Variants in DOCK11 observed in about 807,000 individuals in gnomAD.
DOCK11 encodes dedicator of cytokinesis 11, also known as dedicator of cytokinesis protein 11.
Under a neutral mutation model 169.1 loss-of-function variants are expected in DOCK11, and 70 were observed. The ratio of observed to expected loss-of-function variants is 0.41; its 90% CI spans 0.34 to 0.51. The LOEUF (loss-of-function observed/expected upper bound fraction) is 0.51, where lower values mean the gene tolerates loss of function less well. Among genes scored for constraint, DOCK11 ranks in the 20% least tolerant of loss-of-function variants. DOCK11 has a pLI of 0.10. For missense variants in DOCK11, 1,166 were observed against 1,538.8 expected, an observed-to-expected ratio of 0.76 and a Z score of 4.05; for synonymous variants, 529 against 541.3, an observed-to-expected ratio of 0.98 and a Z score of 0.32.
intron 6 of DOCK11, among the ~76,000 whole-genome samples, chrX:118,550,840 G>C (rs754960617): frequency 5.3e-5 from 6 of 112,381 alleles, no homozygotes; most frequent in African/African-American, 1.9e-4. Context: ...CTGAGACAAA[G>C]GGTTGACAGA....
rs769506180 is a variant in DOCK11, at chrX:118,683,142, A to G, written c.6027A>G (p.Gln2009=). ...ATGAGCGGCTAATTAAAGAAGATCA[A>G]GTTGAGTACCATGAAGGGCTAAAGT... ...ELNERLIKED[Q]VEYHEGLKSN... is the part of the protein sequence containing the mutation. Residue 2009 remains glutamine, a synonymous_variant, in exon 52 of 53, where the codon CAA becomes CAG. Transcript: ENST00000276202. The G allele has an allele frequency of 1.5e-5, 18 of 1,208,729 alleles. No individual in the cohort carries two copies. The highest frequency in any genetic ancestry group is 1.9e-5 in the Non-Finnish European group (17 of 894,147).
intron 1 of DOCK11, among the ~76,000 whole-genome samples, chrX:118,534,046 T>G (rs1377345738): frequency 1.8e-5 from 2 of 112,421 alleles, no homozygotes; most frequent in Non-Finnish European, 3.8e-5. Context: ...AAATTCTAAT[T>G]TTAAAAAGGC....
Position 118,495,894 on chromosome X carries a change from C to A in DOCK11, c.-78C>A. The A allele has an allele frequency of 1.7e-6, 1 of 595,181 alleles. No homozygotes were observed. Among genetic ancestry groups the A allele is most frequent in the Non-Finnish European group, 2.1e-6 (1 of 468,048 alleles). 49.0% of individuals were successfully genotyped at this position (595,181 alleles called of 1,213,427 possible). ...ACAGAGGGAGCAGCAGCGGCCGCGG[C>A]CGCCGCGGGCCGGGGCAGTGAGTCC... On this transcript the variant is annotated 5_prime_UTR_variant, in exon 1 of 53. Transcript: ENST00000276202.
At chrX:118,531,864 G>T (rs893196620) in intron 1 of DOCK11, among the ~76,000 whole-genome samples, 2 of 110,870 alleles carry the variant, frequency 1.8e-5, no homozygotes, top group Non-Finnish European at 3.8e-5. Flanking sequence ...CAGCTGAAGT[G>T]TATATTTTCA....
At position 118,597,476 on chromosome X, in the gene DOCK11, C is replaced by T; in HGVS notation, c.2309C>T (p.Thr770Ile). The change falls in exon 21 of 53, where the codon ACA becomes ATA. Residue 770 changes from threonine (T) to isoleucine (I), a missense_variant. Coordinates refer to ENST00000276202, the MANE Select transcript of DOCK11 (RefSeq NM_144658.4). Reference protein sequence around the residue: ...VPLLKDGRIITFEQQLPVSAN... With the variant: ...VPLLKDGRIIIFEQQLPVSAN... ...TTGCTGAAAGATGGTAGAATCATCACATTTGAGCAGCAGCTGCCAGTTTCC... is the reference window on the plus strand; with the variant it reads ...TTGCTGAAAGATGGTAGAATCATCATATTTGAGCAGCAGCTGCCAGTTTCC... 1 of 1,211,611 alleles carries T rather than the reference C, an allele frequency of 8.3e-7. No individual in the cohort carries two copies. Among genetic ancestry groups the T allele is most frequent in the Non-Finnish European group, 1.1e-6 (1 of 895,313 alleles).
intron 1 of DOCK11, among the ~76,000 whole-genome samples, chrX:118,530,909 A>G (rs768006304): frequency 8.9e-6 from 1 of 112,162 alleles, no homozygotes; most frequent in South Asian, 3.7e-4. Flanking sequence ...TATAGAACTA[A>G]GTTCTATGTT....
At chrX:118,592,869 G>A (rs1231806427) in intron 19 of DOCK11, among the ~76,000 whole-genome samples, 1 of 112,602 alleles carries the variant, frequency 8.9e-6, no homozygotes, top group East Asian at 2.8e-4. Flanking sequence ...CATTTTAAAT[G>A]GGTTGCATTC....
intron 40 of DOCK11, among the ~76,000 whole-genome samples, chrX:118,644,552 A>G (rs1344646668): frequency 8.9e-6 from 1 of 112,192 alleles, no homozygotes; most frequent in African/African-American, 3.2e-5. Context: ...TAGTCCCTAA[A>G]GGCTTATTGT....
At chrX:118,627,335 C>CT (rs375123707) in intron 32 of DOCK11, among the ~76,000 whole-genome samples, 169 bp from the exon 33 acceptor site, 73 of 105,744 alleles carry the variant, frequency 6.9e-4, no homozygotes, top group Middle Eastern at 4.8e-3. Context: ...ATGCTAGTAG[C>CT]TTTTTTTTTT....
intron 44 of DOCK11, among the ~76,000 whole-genome samples, chrX:118,657,502 C>G (rs1487081070): frequency 9.0e-6 from 1 of 111,373 alleles, no homozygotes; most frequent in African/African-American, 3.3e-5. Context: ...TTGCTGATGC[C>G]ATCTATTTTT....
At chrX:118,681,900 C>T (rs1387379749) in intron 51 of DOCK11, 106 bp downstream of exon 51, 2 of 553,943 alleles carry the variant, frequency 3.6e-6, no homozygotes, top group Non-Finnish European at 5.5e-6. Flanking sequence ...CAAAAAGGGA[C>T]ATTCTCTGTG....
intron 6 of DOCK11, among the ~76,000 whole-genome samples, chrX:118,555,034 T>C (rs1229519202): frequency 9.0e-6 from 1 of 111,660 alleles, no homozygotes; most frequent in Non-Finnish European, 1.9e-5. Context: ...GTGTGCCTTA[T>C]GTGAGTAATT....
intron 1 of DOCK11, among the ~76,000 whole-genome samples, chrX:118,508,251 A>G (rs1170679039): frequency 8.9e-6 from 1 of 111,923 alleles, no homozygotes; most frequent in Non-Finnish European, 1.9e-5. Flanking sequence ...GGTACCTGGG[A>G]TCATTTTCAT....
At chrX:118,561,284 C>A in intron 6 of DOCK11, 99 bp from the exon 7 acceptor site, 2 of 842,396 alleles carry the variant, frequency 2.4e-6, no homozygotes, top group Admixed American at 3.6e-5. Flanking sequence ...TGTCCAGGCA[C>A]AATTGCCTGG....
intron 28 of DOCK11, among the ~76,000 whole-genome samples, chrX:118,613,768 G>A (rs889164570): frequency 7.1e-5 from 8 of 112,228 alleles, no homozygotes; most frequent in South Asian, 3.7e-4. Context: ...GCTGTAGTGC[G>A]CTATGACTGT....
chrX:118,552,691 G>T (rs775988959), intron 6 of DOCK11, among the ~76,000 whole-genome samples: 25 of 112,310 alleles, frequency 2.2e-4, no homozygotes, highest in Non-Finnish European at 4.3e-4. Context: ...TCCTCTCACT[G>T]AAGAGGATGC....
intron 46 of DOCK11, among the ~76,000 whole-genome samples, chrX:118,674,860 T>C (rs979542804): frequency 1.8e-5 from 2 of 112,260 alleles, no homozygotes; most frequent in Admixed American, 9.5e-5. Flanking sequence ...TTTTGTTTTA[T>C]AAAATCCATC....
chrX:118,624,945 A>G (rs1382795568), intron 32 of DOCK11, among the ~76,000 whole-genome samples: 1 of 107,166 alleles, frequency 9.3e-6, no homozygotes. Context: ...TTTTTAGCAG[A>G]GACAGGGTCT....
chrX:118,584,779 G>T lies in DOCK11; in HGVS notation c.1640G>T (p.Arg547Ile). 1 of 1,197,765 alleles carries T rather than the reference G, an allele frequency of 8.3e-7. No individual in the cohort carries two copies. The highest frequency in any genetic ancestry group is 1.1e-6 in the Non-Finnish European group (1 of 888,292). ...DTQGSLDLDG[R>I]FSPLYKQDSS... ...CAAGGCTCTCTTGATCTGGATGGGA[G>T]ATTTTCTCCTCTGTATAAACAAGAC... The change falls in exon 15 of 53, where the codon AGA becomes ATA. Residue 547 changes from arginine to isoleucine, a missense_variant. By Grantham distance (97) the Arg-to-Ile change is moderately conservative. Coordinates refer to ENST00000276202, the MANE Select transcript of DOCK11 (RefSeq NM_144658.4).
Sources: allele counts gnomAD v4.1 joint callset (sites outside exome capture counted in the v4.1 genomes callset), GRCh38; gene constraint gnomAD v4.1.1; transcripts MANE v1.5; gene names NCBI Gene and HGNC (gene_info 2026-07-23, HGNC 2026-07-21).